ZMYM2: variants seen among roughly 807,000 people sequenced by gnomAD.
ZMYM2 encodes the protein zinc finger MYM-type protein 2.
A neutral mutation model predicts 162.8 loss-of-function variants in ZMYM2; 56 were observed. The ratio of observed to expected loss-of-function variants is 0.34; its 90% confidence interval spans 0.28 to 0.43. The LOEUF is 0.43. Ranked by LOEUF, ZMYM2 falls within the 20% of genes least tolerant of loss-of-function variation. The pLI, the probability that ZMYM2 is intolerant of heterozygous loss-of-function variation, is 1.00. For synonymous variants in ZMYM2, 510 were observed against 541.6 expected (o/e 0.94, Z 0.81); for missense variants, 1,275 against 1,621.8 (o/e 0.79, Z 3.67).
intron 2 of ZMYM2, among the ~76,000 whole-genome samples, chr13:19,986,019 T>A (rs1949103884): frequency 6.6e-6 from 1 of 151,864 alleles, no homozygotes; most frequent in African/African-American, 2.4e-5. Context: ...AAACCCTGTC[T>A]CTGCAAAAAA....
intron 24 of ZMYM2, 104 bp from the exon 25 acceptor site, chr13:20,085,718 G>T (rs1184308231): frequency 1.1e-6 from 1 of 945,488 alleles, no homozygotes; most frequent in Non-Finnish European, 1.5e-6. Context: ...AGGGGGTCTG[G>T]TCATATAACG....
the ZMYM2 span, among the ~76,000 whole-genome samples, chr13:19,880,862 G>A: frequency 6.6e-6 from 1 of 151,910 alleles, no homozygotes; most frequent in Admixed American, 6.6e-5. Context: ...GTTTTTCAAG[G>A]AATCTTAAAG....
At chr13:19,947,698 T>A in the ZMYM2 span, among the ~76,000 whole-genome samples, 2,004 of 97,396 alleles carry the variant, frequency 0.021, 25 homozygotes, top group African/African-American at 0.032. Context: ...AGTCTCGAAT[T>A]GTCTCGAATT....
intron 2 of ZMYM2, among the ~76,000 whole-genome samples, chr13:19,989,533 A>G (rs1949438839): frequency 6.6e-6 from 1 of 152,062 alleles, no homozygotes; most frequent in Non-Finnish European, 1.5e-5. Flanking sequence ...CTAACTCCGG[A>G]CCTCAAGTGA....
the ZMYM2 span, among the ~76,000 whole-genome samples, chr13:19,920,328 G>T: frequency 6.6e-6 from 1 of 151,964 alleles, no homozygotes. Flanking sequence ...ACCATTTTTA[G>T]CTCTAAGGCA....
chr13:20,027,215 T>C lies in ZMYM2; in HGVS notation c.1748T>C (p.Ile583Thr). Residue 583 changes from isoleucine (I) to threonine (T), a missense_variant, in exon 9 of 25, where the codon ATT (isoleucine) becomes ACT (threonine). Transcript: ENST00000610343. ...TTTTCTTTCCTAGGTTTGGGAATTA[T>C]TTGCCATTTTTGTAAGCGAAACTCT... Reference protein sequence around the residue: ...KYAKSQSLGIICHFCKRNSLP... With the variant: ...KYAKSQSLGITCHFCKRNSLP... 6.4e-7 allele frequency: 1 copy of C among 1,573,440 alleles called. No individual in the cohort carries two copies. Among genetic ancestry groups the C allele is most frequent in the Non-Finnish European group, 8.6e-7 (1 of 1,157,702 alleles).
At chr13:19,916,151 G>A in the ZMYM2 span, among the ~76,000 whole-genome samples, 3 of 151,988 alleles carry the variant, frequency 2.0e-5, no homozygotes, top group African/African-American at 4.8e-5. Flanking sequence ...GTAAGCCACC[G>A]CACCCACCCG....
chr13:19,879,254 C>T, the ZMYM2 span, among the ~76,000 whole-genome samples: 1 of 152,000 alleles, frequency 6.6e-6, no homozygotes, highest in Non-Finnish European at 1.5e-5. Flanking sequence ...CTGTCCTTTC[C>T]TCTTTGAATG....
At chr13:20,004,013 G>T (rs750656374) in intron 4 of ZMYM2, among the ~76,000 whole-genome samples, 9 of 152,130 alleles carry the variant, frequency 5.9e-5, no homozygotes, top group Non-Finnish European at 1.3e-4. Flanking sequence ...TATGTTATAT[G>T]CAAGGTAAAG....
the ZMYM2 span, among the ~76,000 whole-genome samples, chr13:19,882,523 G>C: frequency 6.6e-6 from 1 of 152,098 alleles, no homozygotes; most frequent in African/African-American, 2.4e-5. Context: ...AAGGTGGGTG[G>C]ATCACTTGAG....
chr13:19,897,623 G>A, the ZMYM2 span, among the ~76,000 whole-genome samples: 1 of 150,950 alleles, frequency 6.6e-6, no homozygotes, highest in Non-Finnish European at 1.5e-5. Context: ...ATGCAAACAA[G>A]AATAAAAAGA....
At chr13:19,875,264 T>C in the ZMYM2 span, among the ~76,000 whole-genome samples, 4 of 152,124 alleles carry the variant, frequency 2.6e-5, no homozygotes, top group South Asian at 6.2e-4. Flanking sequence ...AACCTTGTTA[T>C]GACATCAGCA....
chr13:19,877,479 C>G, the ZMYM2 span, among the ~76,000 whole-genome samples: 2 of 152,330 alleles, frequency 1.3e-5, no homozygotes, highest in South Asian at 4.1e-4. Flanking sequence ...AAGAACCTGC[C>G]TCCTTGGGAA....
chr13:19,981,318 AAAC>A (rs1030545740), intron 2 of ZMYM2, among the ~76,000 whole-genome samples: 2 of 107,116 alleles, frequency 1.9e-5, no homozygotes, highest in African/African-American at 1.2e-4. Context: ...AAAAAACAAA[AAAC>A]AAACCCCAAA....
At chr13:19,920,328 G>C in the ZMYM2 span, among the ~76,000 whole-genome samples, 1 of 151,964 alleles carries the variant, frequency 6.6e-6, no homozygotes, top group African/African-American at 2.4e-5. Flanking sequence ...ACCATTTTTA[G>C]CTCTAAGGCA....
At chr13:19,963,309 T>C (rs142255671) in intron 2 of ZMYM2, among the ~76,000 whole-genome samples, 17 of 152,346 alleles carry the variant, frequency 1.1e-4, no homozygotes, top group Middle Eastern at 3.4e-3. Flanking sequence ...AATTTTCTTA[T>C]ATTCCTGTCA....
the ZMYM2 span, among the ~76,000 whole-genome samples, chr13:19,918,261 A>T: frequency 6.6e-6 from 1 of 151,900 alleles, no homozygotes; most frequent in South Asian, 2.1e-4. Flanking sequence ...CCGGGCCAAC[A>T]TGGTGAAACC....
In ZMYM2 at chr13:20,086,233, T is replaced by TA. The variant is rs879151508; in HGVS notation, c.*219_*220insA. ...TTAACAAATACATTCAAATTCTTTT[T>TA]TTATTATTATTTATTTGATTAGGTA... On this transcript the variant is annotated 3_prime_UTR_variant, in exon 25 of 25. Transcript: ENST00000610343. 8.6e-6 allele frequency: 3 copies of TA among 346,916 alleles called. No homozygotes were observed. Among genetic ancestry groups the TA allele is most frequent in the Middle Eastern group, 7.9e-4 (1 of 1,262 alleles). The allele number at this position is 346,916 out of a possible 1,614,324, so 21.5% of individuals were successfully genotyped here. A position where few individuals can be genotyped will look rare whatever the true frequency, so the allele number is the denominator to read the frequency against.
At chr13:19,998,283 A>T (rs1005290072) in intron 3 of ZMYM2, among the ~76,000 whole-genome samples, 1 of 152,174 alleles carries the variant, frequency 6.6e-6, no homozygotes, top group East Asian at 1.9e-4. Context: ...TTCCTAAAAA[A>T]TTTTTTTGAT....
Sources: gnomAD v4.1 joint callset for allele counts (sites outside exome capture counted in the v4.1 genomes callset) on GRCh38, gnomAD v4.1.1 for gene constraint, MANE v1.5 for transcripts, NCBI Gene and HGNC (gene_info 2026-07-23, HGNC 2026-07-21) for gene names.